The following JPH4 variants were observed in gnomAD, a reference collection of about 807,000 sequenced individuals.
The protein encoded by JPH4 is junctophilin 4.
A neutral mutation model predicts 57.6 loss-of-function variants in JPH4; 18 were observed. That is an observed-to-expected ratio of 0.31 (90% CI 0.22 to 0.46). The LOEUF is 0.46. Among genes scored for constraint, JPH4 ranks in the 20% least tolerant of loss-of-function variants. JPH4 has a pLI of 1.00. For synonymous variants in JPH4, 425 were observed against 406.6 expected (o/e 1.05, Z -0.54); for missense variants, 727 against 911.1 (o/e 0.80, Z 2.60).
Position 23,568,660 on chromosome 14 carries a change from C to G in JPH4, c.*974G>C, listed in dbSNP as rs1205248204. 9.1e-6 allele frequency: 9 copies of G among 985,824 alleles called. No individual in the cohort carries two copies. Among genetic ancestry groups the G allele is most frequent in the Non-Finnish European group, 1.1e-5 (9 of 829,994 alleles). The allele number at this position is 985,824 out of a possible 1,614,324, so 61.1% of individuals were successfully genotyped here. On this transcript the variant is annotated 3_prime_UTR_variant, in exon 6 of 6. Coordinates refer to ENST00000356300, the MANE Select transcript of JPH4 (RefSeq NM_001146028.2). ...TGTCTGGTCCTATCCCCCAGAAGTGCCTCCTCCCACCACAACTCCCAGAGT... is the reference window on the plus strand; with the variant it reads ...TGTCTGGTCCTATCCCCCAGAAGTGGCTCCTCCCACCACAACTCCCAGAGT...
In JPH4 at chr14:23,576,122, G is replaced by A. The variant is rs1187350543; in HGVS notation, c.714C>T (p.Gly238=). 2 of 1,308,856 alleles carry A rather than the reference G, an allele frequency of 1.5e-6. No individual in the cohort carries two copies. Among genetic ancestry groups the A allele is most frequent in the African/African-American group, 1.5e-5 (1 of 64,894 alleles). 81.1% of individuals were successfully genotyped at this position (1,308,856 alleles called of 1,614,324 possible). A position where few individuals can be genotyped will look rare whatever the true frequency, so the allele number is the denominator to read the frequency against. ...CGCTGCGCAGGGAGCCTCGCTTGCTGCCCAGGGAGCTGCGACGTCCGCCCG... is the reference window on the plus strand; with the variant it reads ...CGCTGCGCAGGGAGCCTCGCTTGCTACCCAGGGAGCTGCGACGTCCGCCCG... ...LRAGGRRSSL[G]SKRGSLRSEV... is the part of the protein sequence containing the mutation. Residue 238 remains glycine, a synonymous_variant, in exon 3 of 6, where the codon GGC becomes GGT. Transcript: ENST00000356300. The surrounding 1 kb of genome is among the most constrained non-coding windows in gnomAD (Gnocchi z 8.0).
In JPH4 at chr14:23,571,886, T is replaced by C. The variant is rs577929214; in HGVS notation, c.1186A>G (p.Ser396Gly). The C allele has an allele frequency of 1.2e-6, 2 of 1,612,888 alleles. No individual in the cohort carries two copies. Among genetic ancestry groups the C allele is most frequent in the East Asian group, 4.5e-5 (2 of 44,882 alleles). The change falls in exon 4 of 6, where the codon AGC (serine) becomes GGC (glycine). Residue 396 changes from serine (S) to glycine (G), a missense_variant. Ser to Gly is a moderately conservative substitution (Grantham distance 56, BLOSUM62 0). This residue lies in a region of JPH4 where 293 missense variants were observed against 279.8 expected (regional missense o/e 1.05). Transcript: ENST00000356300. The surrounding 1 kb of genome is among the most constrained non-coding windows in gnomAD (Gnocchi z 4.6). Reference protein sequence around the residue: ...ADALLKAVAASSVAEKAVEAA... With the variant: ...ADALLKAVAAGSVAEKAVEAA... ...TCCACGGCCTTCTCAGCGACACTGC[T>C]GGCTGCCACTGCCTTTAGGAGGGCG...
intron 3 of JPH4, among the ~76,000 whole-genome samples, chr14:23,572,206 T>C (rs1233010805): frequency 1.3e-5 from 2 of 152,118 alleles, no homozygotes; most frequent in East Asian, 1.9e-4. Flanking sequence ...CTTCTTCCAG[T>C]TGCAAGGGCC....
Position 23,576,924 on chromosome 14 carries a change from G to T in JPH4, c.379+151C>A. 1 of 896,936 alleles carries T rather than the reference G, an allele frequency of 1.1e-6. No homozygotes were observed. Among genetic ancestry groups the T allele is most frequent in the Non-Finnish European group, 1.6e-6 (1 of 628,870 alleles). The allele number at this position is 896,936 out of a possible 1,614,324, so 55.6% of individuals were successfully genotyped here. A position where few individuals can be genotyped will look rare whatever the true frequency, so the allele number is the denominator to read the frequency against. ...GAAAGCATAATCATGGTGGGAGAGAGCAGAAATTGGGGGCTGGGGGTCACA... is the reference window on the plus strand; with the variant it reads ...GAAAGCATAATCATGGTGGGAGAGATCAGAAATTGGGGGCTGGGGGTCACA... On this transcript the variant is annotated intron_variant, in intron 2 of 5. Coordinates refer to ENST00000356300, the MANE Select transcript of JPH4 (RefSeq NM_001146028.2). The surrounding 1 kb of genome is among the most constrained non-coding windows in gnomAD (Gnocchi z 8.0).
chr14:23,572,558 CCTACCT>C lies in JPH4; in HGVS notation c.1152-644_1152-639del, dbSNP rs376656085. Among the ~76,000 whole-genome samples the C allele has an allele frequency of 3.6e-3, 544 of 152,098 alleles. 1 individual carries two copies. The highest frequency in any genetic ancestry group is 0.013 in the African/African-American group (529 of 41,472). On this transcript the variant is annotated intron_variant, in intron 3 of 5. Transcript: ENST00000356300. The stretch of plus-strand genomic sequence containing the variant: ...ACTGTCACTTCTCCTTACTATTAAT[CCTACCT>C]CTACCCGTACAGATTTCCTGGCATG...
chr14:23,573,160 CT>C (rs1889194746), intron 3 of JPH4, among the ~76,000 whole-genome samples: 1 of 152,190 alleles, frequency 6.6e-6, no homozygotes, highest in Non-Finnish European at 1.5e-5. Flanking sequence ...GTGATATCTA[CT>C]GTGCATATTC....
rs1889251611 is a variant in JPH4, at chr14:23,575,624, C to T, written c.1151+61G>A. ...GGCCTCCCTTAGGCACACCCGCCTT[C>T]CTGGTCCCCAGCGCACCCCCTCCTC... is the stretch of plus-strand genomic sequence containing the variant. On this transcript the variant is annotated intron_variant, in intron 3 of 5. Transcript: ENST00000356300. The surrounding 1 kb of genome is among the most constrained non-coding windows in gnomAD (Gnocchi z 6.9). The T allele has an allele frequency of 6.5e-7, 1 of 1,548,046 alleles. No homozygotes were observed. The highest frequency in any genetic ancestry group is 8.7e-7 in the Non-Finnish European group (1 of 1,150,424).
rs1459377319 is a variant in JPH4 at position 23,576,797 on chromosome 14, G to A, written c.379+278C>T. Among the ~76,000 whole-genome samples, 1 of 152,200 alleles carries A rather than the reference G, an allele frequency of 6.6e-6. No individual in the cohort carries two copies. Among genetic ancestry groups the A allele is most frequent in the African/African-American group, 2.4e-5 (1 of 41,462 alleles). ...ACTCTGAGGGGCACGCCGACCCGAC[G>A]GAGAGCAGAGGTGTTGGGGACAGGC... On this transcript the variant is annotated intron_variant, in intron 2 of 5. Transcript: ENST00000356300. The surrounding 1 kb of genome is among the most constrained non-coding windows in gnomAD (Gnocchi z 8.0).
At position 23,571,087 on chromosome 14, in the gene JPH4, C is replaced by T; in HGVS notation, c.1644G>A (p.Glu548=). The T allele has an allele frequency of 6.2e-7, 1 of 1,613,584 alleles. No homozygotes were observed. The highest frequency in any genetic ancestry group is 8.5e-7 in the Non-Finnish European group (1 of 1,179,724). ...SSGSLREEEG[E]DEEPLPPLRA... is the part of the protein sequence containing the mutation. ...TCAGCGGGGGCAGGGGCTCTTCATC[C>T]TCCCCCTCCTCCTCTCGAAGACTTC... is the stretch of plus-strand genomic sequence containing the variant. Residue 548 remains glutamate, a synonymous_variant, in exon 5 of 6, where the codon GAG becomes GAA. Coordinates refer to ENST00000356300, the MANE Select transcript of JPH4 (RefSeq NM_001146028.2). This position sits in a 1 kb window ranked among gnomAD's most constrained non-coding sequence, Gnocchi z 4.6.
chr14:23,572,822 C>T (rs1386821402), intron 3 of JPH4: 1 of 700,046 alleles, frequency 1.4e-6, no homozygotes. Flanking sequence ...CCTTCCACAA[C>T]CCCCTACCAC....
In JPH4 at chr14:23,577,011, G is replaced by A; in HGVS notation, c.379+64C>T. 1 of 1,411,542 alleles carries A rather than the reference G, an allele frequency of 7.1e-7. No homozygotes were observed. Among genetic ancestry groups the A allele is most frequent in the Non-Finnish European group, 9.2e-7 (1 of 1,088,606 alleles). The allele number at this position is 1,411,542 out of a possible 1,614,324, so 87.4% of individuals were successfully genotyped here. A position where few individuals can be genotyped will look rare whatever the true frequency, so the allele number is the denominator to read the frequency against. On this transcript the variant is annotated intron_variant, in intron 2 of 5. Transcript: ENST00000356300. This position sits in a 1 kb window ranked among gnomAD's most constrained non-coding sequence, Gnocchi z 8.4. ...CGCAAGGGCGCAAATGGCGGGCGAA[G>A]GCCCAAGGCTGGGGAAGGCGCACGC... is the stretch of plus-strand genomic sequence containing the variant.
rs1888925328 is a variant in JPH4, at chr14:23,568,722, T to C, written c.*912A>G. 2.0e-6 allele frequency: 2 copies of C among 985,828 alleles called. No individual in the cohort carries two copies. The highest frequency in any genetic ancestry group is 1.2e-4 in the Admixed American group (2 of 16,272). 61.1% of individuals were successfully genotyped at this position (985,828 alleles called of 1,614,324 possible). Reference sequence around the variant, plus strand: ...GGCCTTGCTCAAGTGCCTCTAACCCTCTGCAGTAGAAATGTCTTCTTCAGG... The same window carrying C: ...GGCCTTGCTCAAGTGCCTCTAACCCCCTGCAGTAGAAATGTCTTCTTCAGG... On this transcript the variant is annotated 3_prime_UTR_variant, in exon 6 of 6. Transcript: ENST00000356300.
intron 5 of JPH4, 86 bp downstream of exon 5, chr14:23,570,842 C>T (rs1181312927): frequency 3.1e-6 from 4 of 1,300,042 alleles, no homozygotes; most frequent in Non-Finnish European, 4.0e-6. Flanking sequence ...AGATAAAAAG[C>T]CCCCCCGGTG....
Position 23,576,762 on chromosome 14 carries a change from G to C in JPH4, c.380-306C>G, listed in dbSNP as rs1249457674. Among the ~76,000 whole-genome samples the C allele has an allele frequency of 6.6e-6, 1 of 152,150 alleles. No individual in the cohort carries two copies. Among genetic ancestry groups the C allele is most frequent in the African/African-American group, 2.4e-5 (1 of 41,444 alleles). On this transcript the variant is annotated intron_variant, in intron 2 of 5. Transcript: ENST00000356300. The surrounding 1 kb of genome is among the most constrained non-coding windows in gnomAD (Gnocchi z 8.0). Reference sequence around the variant, plus strand: ...ACAGGCTGGTCAGGGCGTTTAGATAGGCAAACAGTACTCTGAGGGGCACGC... The same window carrying C: ...ACAGGCTGGTCAGGGCGTTTAGATACGCAAACAGTACTCTGAGGGGCACGC...
intron 3 of JPH4, among the ~76,000 whole-genome samples, chr14:23,574,701 T>G (rs1889232728): frequency 6.6e-6 from 1 of 152,272 alleles, no homozygotes; most frequent in Non-Finnish European, 1.5e-5. Flanking sequence ...GTAAAATATC[T>G]TAATAATTTT....
Position 23,576,968 on chromosome 14 carries a change from G to A in JPH4, c.379+107C>T. ...GGTCACATCGATGGGGAATGGTGGC[G>A]GGGGAAAGAAGGATGGGCGCAAGGG... On this transcript the variant is annotated intron_variant, in intron 2 of 5. Coordinates refer to ENST00000356300, the MANE Select transcript of JPH4 (RefSeq NM_001146028.2). This position sits in a 1 kb window ranked among gnomAD's most constrained non-coding sequence, Gnocchi z 8.0. 2.3e-6 allele frequency: 3 copies of A among 1,294,108 alleles called. No homozygotes were observed. Among genetic ancestry groups the A allele is most frequent in the Non-Finnish European group, 2.0e-6 (2 of 984,838 alleles). 80.2% of individuals were successfully genotyped at this position (1,294,108 alleles called of 1,614,324 possible).
intron 3 of JPH4, among the ~76,000 whole-genome samples, chr14:23,573,566 C>G (rs536059529): frequency 1.3e-5 from 2 of 152,234 alleles, no homozygotes; most frequent in African/African-American, 4.8e-5. Flanking sequence ...AAGTCCCACA[C>G]AGTAGACTTA....
Position 23,571,832 on chromosome 14 carries a change from G to C in JPH4, c.1240C>G (p.Gln414Glu), listed in dbSNP as rs1889156149. 6.2e-7 allele frequency: 1 copy of C among 1,612,982 alleles called. No individual in the cohort carries two copies. The highest frequency in any genetic ancestry group is 1.3e-5 in the African/African-American group (1 of 75,038). ...GCCTCTAGCATGGGCTGCAGGTCCT[G>C]GGCTATCAGTTTGGCCATTCGAGCT... ...EAARMAKLIA[Q>E]DLQPMLEAPG... The change falls in exon 4 of 6, where the codon CAG (glutamine) becomes GAG (glutamate). Residue 414 changes from glutamine (Q) to glutamate (E), a missense_variant. Gln to Glu is a conservative substitution (Grantham distance 29). Around this residue, in one of 7 missense-constraint regions of JPH4, gnomAD observed 293 missense variants for 279.8 expected, o/e 1.05. Transcript: ENST00000356300. The surrounding 1 kb of genome is among the most constrained non-coding windows in gnomAD (Gnocchi z 4.6).
In JPH4 at chr14:23,571,095, C is replaced by T. The variant is rs765358279; in HGVS notation, c.1636G>A (p.Glu546Lys). The T allele has an allele frequency of 1.2e-6, 2 of 1,613,950 alleles. No individual in the cohort carries two copies. Among genetic ancestry groups the T allele is most frequent in the Admixed American group, 3.3e-5 (2 of 60,004 alleles). Residue 546 changes from glutamate (E) to lysine (K), a missense_variant, in exon 5 of 6, where the codon GAG becomes AAG. By Grantham distance (56) the Glu-to-Lys change is moderately conservative. Around this residue, in one of 7 missense-constraint regions of JPH4, gnomAD observed 293 missense variants for 279.8 expected, o/e 1.05. Coordinates refer to ENST00000356300, the MANE Select transcript of JPH4 (RefSeq NM_001146028.2). The surrounding 1 kb of genome is among the most constrained non-coding windows in gnomAD (Gnocchi z 4.6). ...GGCAGGGGCTCTTCATCCTCCCCCTCCTCCTCTCGAAGACTTCCTGAACTG... is the reference window on the plus strand; with the variant it reads ...GGCAGGGGCTCTTCATCCTCCCCCTTCTCCTCTCGAAGACTTCCTGAACTG... The part of the protein sequence containing the change: ...SDSSGSLREE[E>K]GEDEEPLPPL...
Sources: allele counts gnomAD v4.1 joint callset (sites outside exome capture counted in the v4.1 genomes callset), GRCh38; gene constraint gnomAD v4.1.1; regional missense constraint gnomAD v4.1.1; non-coding constraint Gnocchi (gnomAD v3.1); transcripts MANE v1.5; gene names NCBI Gene and HGNC (gene_info 2026-07-23, HGNC 2026-07-21).